MSI2: variants seen among roughly 807,000 people sequenced by gnomAD.
MSI2 encodes musashi RNA binding protein 2.
In MSI2, 17 loss-of-function variants were observed where a neutral mutation model predicts 45.6. The observed-to-expected ratio is 0.37, with a 90% confidence interval of 0.26 to 0.56. MSI2 has a LOEUF of 0.56. MSI2 is among the 20% of genes least tolerant of loss of function. The pLI, the probability that MSI2 is intolerant of heterozygous loss-of-function variation, is 0.77. For synonymous variants in MSI2, 156 were observed against 158.2 expected (o/e 0.99, Z 0.11); for missense variants, 293 against 444.2 (o/e 0.66, Z 3.06).
intron 7 of MSI2, among the ~76,000 whole-genome samples, chr17:57,563,805 C>A (rs796374684): frequency 6.4e-4 from 97 of 150,762 alleles, no homozygotes; most frequent in African/African-American, 2.2e-3. Context: ...TACAGATGGA[C>A]CCTGCTTCCA....
At chr17:57,450,747 C>T (rs987483898) in intron 6 of MSI2, among the ~76,000 whole-genome samples, 4 of 151,550 alleles carry the variant, frequency 2.6e-5, no homozygotes, top group Non-Finnish European at 4.4e-5. Flanking sequence ...CCCCTCCCCC[C>T]ACCTGCTGGC....
At chr17:57,435,665 G>T (rs76529191) in intron 6 of MSI2, among the ~76,000 whole-genome samples, 16 of 152,092 alleles carry the variant, frequency 1.1e-4, no homozygotes, top group South Asian at 6.2e-4. Context: ...TTAGAAAATC[G>T]TTTCTGCACA....
intron 10 of MSI2, among the ~76,000 whole-genome samples, chr17:57,637,152 A>G (rs1375019457): frequency 6.6e-6 from 1 of 151,864 alleles, no homozygotes; most frequent in Admixed American, 6.6e-5. Flanking sequence ...TGGCCAGCCC[A>G]CTCCTGCGCC....
At chr17:57,616,195 C>T (rs181526204) in intron 9 of MSI2, 111 bp downstream of exon 9, 1 of 732,570 alleles carries the variant, frequency 1.4e-6, no homozygotes, top group East Asian at 2.5e-5. Flanking sequence ...TTCTAAGCCT[C>T]AGTTTCCTTG....
intron 5 of MSI2, among the ~76,000 whole-genome samples, chr17:57,296,537 A>T (rs1910975640): frequency 6.6e-6 from 1 of 152,210 alleles, no homozygotes; most frequent in African/African-American, 2.4e-5. Flanking sequence ...AGGGAGAAGG[A>T]TTAAGTCTTT....
chr17:57,366,254 G>A lies in MSI2; in HGVS notation c.313-35125G>A, dbSNP rs1250565252. On this transcript the variant is annotated intron_variant, in intron 5 of 13. Transcript: ENST00000284073. Reference sequence around the variant, plus strand: ...CAACTTTTCAGTTGGGGAAGTTGAGGTGGACTGAAGGTAAATCTGCTGGCC... The same window carrying A: ...CAACTTTTCAGTTGGGGAAGTTGAGATGGACTGAAGGTAAATCTGCTGGCC... 2.6e-5 allele frequency among the ~76,000 whole-genome samples: 4 copies of A among 152,330 alleles called. No individual in the cohort carries two copies. The South Asian group carries it at 6.2e-4, about 24-fold the overall frequency.
chr17:57,589,761 C>T (rs1394821292), intron 7 of MSI2, among the ~76,000 whole-genome samples: 1 of 152,200 alleles, frequency 6.6e-6, no homozygotes, highest in Non-Finnish European at 1.5e-5. Context: ...GTGAAAGTAA[C>T]TTGGGGTACC....
chr17:57,388,976 TTCTTC>T (rs1249444577), intron 5 of MSI2, among the ~76,000 whole-genome samples: 10 of 142,546 alleles, frequency 7.0e-5, no homozygotes, highest in South Asian at 2.2e-4. Flanking sequence ...CTTCTTCTTC[TTCTTC>T]TTTTTTTTTT....
At chr17:57,352,592 T>G (rs1437185236) in intron 5 of MSI2, among the ~76,000 whole-genome samples, 1 of 152,194 alleles carries the variant, frequency 6.6e-6, no homozygotes, top group Non-Finnish European at 1.5e-5. Flanking sequence ...CACAAAGGTC[T>G]GTGATTTTAG....
In MSI2 at chr17:57,566,197, A is replaced by G. The variant is rs1246717994; in HGVS notation, c.455-30671A>G. ...CACAGTCCTTGAAGGATTTGCTCCC[A>G]TTCTCAGGGAGCAAGACCCATCTTA... On this transcript the variant is annotated intron_variant, in intron 7 of 13. Coordinates refer to ENST00000284073, the MANE Select transcript of MSI2 (RefSeq NM_138962.4). Among the ~76,000 whole-genome samples the G allele has an allele frequency of 3.9e-5, 6 of 152,186 alleles. No homozygotes were observed. The East Asian group carries it at 5.8e-4, about 15-fold the overall frequency.
chr17:57,566,646 C>T (rs960819146), intron 7 of MSI2, among the ~76,000 whole-genome samples: 2 of 152,142 alleles, frequency 1.3e-5, no homozygotes, highest in Admixed American at 6.5e-5. Flanking sequence ...CTGGGATGAA[C>T]GTGGTTTTAT....
At chr17:57,382,936 G>C (rs1448294336) in intron 5 of MSI2, among the ~76,000 whole-genome samples, 1 of 152,164 alleles carries the variant, frequency 6.6e-6, no homozygotes, top group Non-Finnish European at 1.5e-5. Context: ...CTATGTCCCA[G>C]GTGTCTCAGT....
chr17:57,313,164 C>G (rs1015058231), intron 5 of MSI2, among the ~76,000 whole-genome samples: 1 of 152,138 alleles, frequency 6.6e-6, no homozygotes, highest in Admixed American at 6.6e-5. Context: ...TTTCTGATGT[C>G]TCATACAGAC....
chr17:57,557,404 C>T (rs1199930997), intron 7 of MSI2, among the ~76,000 whole-genome samples: 3 of 152,250 alleles, frequency 2.0e-5, no homozygotes, highest in Non-Finnish European at 4.4e-5. Context: ...GGGTCTGCCC[C>T]AGGGGCCAAA....
chr17:57,439,731 T>C (rs1440291893), intron 6 of MSI2, among the ~76,000 whole-genome samples: 1 of 152,162 alleles, frequency 6.6e-6, no homozygotes, highest in African/African-American at 2.4e-5. Context: ...ACTAATTTTT[T>C]GTATTTTTAG....
intron 8 of MSI2, among the ~76,000 whole-genome samples, chr17:57,613,049 G>A (rs1006398246): frequency 2.0e-5 from 3 of 152,264 alleles, no homozygotes; most frequent in East Asian, 1.9e-4. Flanking sequence ...ATTTGGATGA[G>A]TTTGTTGTTT....
rs372204810 is a variant in MSI2, at chr17:57,652,210, C to A, written c.790+49C>A. On this transcript the variant is annotated intron_variant, in intron 11 of 13. Transcript: ENST00000284073. The surrounding 1 kb of genome is among the most constrained non-coding windows in gnomAD (Gnocchi z 4.1). Reference sequence around the variant, plus strand: ...GACTCCCAGGCATGCCCCCAGTGTGCAGGGGGAGGTCAAGGCCCTGTCGGA... The same window carrying A: ...GACTCCCAGGCATGCCCCCAGTGTGAAGGGGGAGGTCAAGGCCCTGTCGGA... 1 of 1,556,590 alleles carries A rather than the reference C, an allele frequency of 6.4e-7. No homozygotes were observed. The highest frequency in any genetic ancestry group is 8.9e-7 in the Non-Finnish European group (1 of 1,128,592).
intron 5 of MSI2, chr17:57,364,858 A>G (rs997614436): frequency 6.6e-6 from 1 of 151,684 alleles, no homozygotes; most frequent in Non-Finnish European, 1.5e-5. Flanking sequence ...GCTAACCCGG[A>G]TGTGTTGCTC....
At chr17:57,540,106 A>G (rs541134526) in intron 7 of MSI2, among the ~76,000 whole-genome samples, 8 of 152,352 alleles carry the variant, frequency 5.3e-5, no homozygotes, top group Middle Eastern at 3.4e-3. Context: ...ACCCTGGACA[A>G]GTTACTAAAT....
Sources: allele counts gnomAD v4.1 joint callset (sites outside exome capture counted in the v4.1 genomes callset), GRCh38; gene constraint gnomAD v4.1.1; non-coding constraint Gnocchi (gnomAD v3.1); transcripts MANE v1.5; gene names NCBI Gene and HGNC (gene_info 2026-07-23, HGNC 2026-07-21).